Variants in PKD1L1 observed in about 807,000 individuals in gnomAD.
PKD1L1 encodes the protein polycystin-1-like protein 1.
PKD1L1 carries 236 observed loss-of-function variants against 323.4 expected under a neutral mutation model. The ratio of observed to expected loss-of-function variants is 0.73; its 90% confidence interval spans 0.66 to 0.81. The LOEUF is 0.81. Among genes scored for constraint, PKD1L1 ranks in the 40% least tolerant of loss-of-function variants. PKD1L1 has a pLI of 0.00. For synonymous variants in PKD1L1, 1,344 were observed against 1,335.0 expected (o/e 1.01, Z -0.15); for missense variants, 3,320 against 3,508.0 (o/e 0.95, Z 1.35).
intron 41 of PKD1L1, 72 bp downstream of exon 41, chr7:47,833,018 C>T: frequency 1.3e-6 from 2 of 1,512,318 alleles, no homozygotes; most frequent in East Asian, 2.3e-5. Flanking sequence ...ACTCTGCTTG[C>T]CCTGCCTCTC....
chr7:47,920,596 CA>C (rs1787516354), intron 7 of PKD1L1, among the ~76,000 whole-genome samples: 2 of 151,996 alleles, frequency 1.3e-5, no homozygotes, highest in African/African-American at 4.8e-5. Flanking sequence ...AAAGACTAAG[CA>C]AAAAGAACAA....
At position 47,866,366 on chromosome 7, in the gene PKD1L1, T is replaced by C. The variant is rs145361901; in HGVS notation, c.4092+53A>G. On this transcript the variant is annotated intron_variant, in intron 25 of 56. Transcript: ENST00000289672. ...TAGTGAGCCAGCCAGTCATGAGCCC[T>C]GCCACTTGATAAAGGTTTACAGACA... 2.5e-4 allele frequency: 389 copies of C among 1,565,346 alleles called. No individual in the cohort carries two copies. In the African/African-American group the frequency reaches 5.0e-3, roughly 20 times the overall value.
chr7:47,955,664 T>A, the PKD1L1 span, among the ~76,000 whole-genome samples: 1 of 152,252 alleles, frequency 6.6e-6, no homozygotes, highest in Non-Finnish European at 1.5e-5. Context: ...GAATATTTCG[T>A]GTTTTTCCAG....
At chr7:47,800,966 C>T in intron 53 of PKD1L1, 87 bp from the exon 54 acceptor site, 1 of 1,278,052 alleles carries the variant, frequency 7.8e-7, no homozygotes, top group Non-Finnish European at 1.1e-6. Flanking sequence ...AAAATAGAGA[C>T]AAACTTGGAG....
intron 52 of PKD1L1, 110 bp from the exon 53 acceptor site, chr7:47,803,454 A>G: frequency 7.8e-7 from 1 of 1,281,888 alleles, no homozygotes; most frequent in Non-Finnish European, 1.1e-6. Flanking sequence ...TGATGATGTT[A>G]TATAGACCCA....
intron 55 of PKD1L1, among the ~76,000 whole-genome samples, 195 bp downstream of exon 55, chr7:47,795,794 T>C (rs1053681366): frequency 8.5e-5 from 13 of 152,194 alleles, no homozygotes; most frequent in Non-Finnish European, 1.6e-4. Flanking sequence ...TGCTTGGTAA[T>C]CTGTAAAGTG....
rs1413459221 is a variant in PKD1L1 at position 47,840,099 on chromosome 7, AATTC to A, written c.5552+358_5552+361del. Among the ~76,000 whole-genome samples, 2 of 152,126 alleles carry A rather than the reference AATTC, an allele frequency of 1.3e-5. No individual in the cohort carries two copies. The highest frequency in any genetic ancestry group is 2.9e-5 in the Non-Finnish European group (2 of 68,020). On this transcript the variant is annotated intron_variant, in intron 35 of 56. Coordinates refer to ENST00000289672, the MANE Select transcript of PKD1L1 (RefSeq NM_138295.5). This position sits in a 1 kb window ranked among gnomAD's most constrained non-coding sequence, Gnocchi z 4.1. ...CAGGTGCTTGCATCCTATCTTGTTA[AATTC>A]ACTCTTTCTCCAACCCCACCATCTT... is the stretch of plus-strand genomic sequence containing the variant.
rs149432210 is a variant in PKD1L1, at chr7:47,835,241, G to T, written c.5946C>A (p.Pro1982=). The T allele has an allele frequency of 1.3e-6, 2 of 1,582,804 alleles. No homozygotes were observed. The highest frequency in any genetic ancestry group is 1.4e-5 in the African/African-American group (1 of 73,230). ...CAAGGGTGGGGCTGACGTCCAAGTG[G>T]GGCTGCAACAAAGCAACAGCAGCCA... is the stretch of plus-strand genomic sequence containing the variant. The part of the protein sequence containing the change: ...ALVAAGGQEQ[P]HLDVSPTLGS... Residue 1982 remains proline (P), a splice_region_variant and synonymous_variant, in exon 38 of 57, where the codon CCC becomes CCA. Coordinates refer to ENST00000289672, the MANE Select transcript of PKD1L1 (RefSeq NM_138295.5).
At chr7:47,830,294 G>A (rs1056190169) in intron 42 of PKD1L1, among the ~76,000 whole-genome samples, 170 bp from the exon 43 acceptor site, 1 of 152,212 alleles carries the variant, frequency 6.6e-6, no homozygotes, top group Non-Finnish European at 1.5e-5. Context: ...TCTGCTCATC[G>A]GAGGGGAACC....
chr7:47,880,259 T>TAG (rs1562970390), intron 21 of PKD1L1, among the ~76,000 whole-genome samples: 2 of 94,328 alleles, frequency 2.1e-5, no homozygotes, highest in African/African-American at 1.1e-4. Flanking sequence ...TATATATATA[T>TAG]ATATACATAT....
intron 56 of PKD1L1, among the ~76,000 whole-genome samples, chr7:47,779,880 C>T (rs1584938469): frequency 6.6e-6 from 1 of 152,224 alleles, no homozygotes; most frequent in Admixed American, 6.5e-5. Context: ...AAAGGAGGTG[C>T]CCAGAAAGAG....
chr7:47,830,427 T>C (rs1377587561), intron 42 of PKD1L1, among the ~76,000 whole-genome samples: 1 of 151,836 alleles, frequency 6.6e-6, no homozygotes, highest in Non-Finnish European at 1.5e-5. Flanking sequence ...GGTTGGGGTA[T>C]AATAATAATA....
chr7:47,915,732 G>T (rs570434034), intron 7 of PKD1L1, 133 bp from the exon 8 acceptor site: 36 of 537,902 alleles, frequency 6.7e-5, no homozygotes, highest in Non-Finnish European at 1.1e-4. Context: ...AATTAAGGAA[G>T]GAAAAAGAAA....
chr7:47,836,353 A>T (rs1325658181), intron 37 of PKD1L1, among the ~76,000 whole-genome samples: 1 of 152,042 alleles, frequency 6.6e-6, no homozygotes, highest in Admixed American at 6.5e-5. Context: ...AATGGCCATG[A>T]TGTTGTCGTA....
intron 14 of PKD1L1, among the ~76,000 whole-genome samples, chr7:47,894,525 G>A (rs1786894472): frequency 6.6e-6 from 1 of 152,168 alleles, no homozygotes; most frequent in African/African-American, 2.4e-5. Context: ...AGCAGAACAT[G>A]TTATAAATAA....
chr7:47,880,773 A>G lies in PKD1L1; in HGVS notation c.3475T>C (p.Tyr1159His), dbSNP rs111983425. 434 of 1,608,586 alleles carry G rather than the reference A, an allele frequency of 2.7e-4. No homozygotes were observed. In the African/African-American group the frequency reaches 5.1e-3, roughly 19 times the overall value. ...ITEQTVTIKP[Y>H]SLSSGETYVL... is the part of the protein sequence containing the mutation. ...TACGTCTCTCCACTGCTCAGAGAGTATGGCTTGATTGTCACTGTCTGTTCT... is the reference window on the plus strand; with the variant it reads ...TACGTCTCTCCACTGCTCAGAGAGTGTGGCTTGATTGTCACTGTCTGTTCT... Residue 1159 changes from tyrosine to histidine, a missense_variant, in exon 21 of 57, where the codon TAC becomes CAC. Transcript: ENST00000289672.
At chr7:47,907,966 G>T in intron 9 of PKD1L1, 111 bp downstream of exon 9, 1 of 1,022,264 alleles carries the variant, frequency 9.8e-7, no homozygotes, top group Non-Finnish European at 1.4e-6. Context: ...AATGAAGGAT[G>T]TTGTATCAAA....
At chr7:47,957,875 A>ATATATATATATATATC in the PKD1L1 span, among the ~76,000 whole-genome samples, 3 of 148,426 alleles carry the variant, frequency 2.0e-5, no homozygotes, top group Non-Finnish European at 3.0e-5. Context: ...ATATATATAT[A>ATATATATATATATATC]TATCTAGAAA....
At chr7:47,882,403 T>C (rs1015987468) in intron 19 of PKD1L1, among the ~76,000 whole-genome samples, 2 of 150,766 alleles carry the variant, frequency 1.3e-5, no homozygotes, top group African/African-American at 4.9e-5. Flanking sequence ...ACCAGATCAA[T>C]GGTGTCCTTG....
Sources: gnomAD v4.1 joint callset for allele counts (sites outside exome capture counted in the v4.1 genomes callset) on GRCh38, gnomAD v4.1.1 for gene constraint, Gnocchi (gnomAD v3.1) non-coding constraint, MANE v1.5 for transcripts, NCBI Gene and HGNC (gene_info 2026-07-23, HGNC 2026-07-21) for gene names.